UTS2B: variants seen among roughly 807,000 people sequenced by gnomAD.
UTS2B encodes urotensin 2B, also known as urotensin-2B.
Under a neutral mutation model 19.2 loss-of-function variants are expected in UTS2B, and 21 were observed. The ratio of observed to expected loss-of-function variants is 1.09; its 90% confidence interval spans 0.78 to 1.58. The LOEUF is 1.58. UTS2B is among the 40% of genes most tolerant of loss of function. The pLI, the probability that UTS2B is intolerant of heterozygous loss-of-function variation, is 0.00. For synonymous variants in UTS2B, 57 were observed against 50.2 expected, an observed-to-expected ratio of 1.14 and a Z score of -0.58; for missense variants, 138 against 130.3, an observed-to-expected ratio of 1.06 and a Z score of -0.29.
intron 4 of UTS2B, among the ~76,000 whole-genome samples, chr3:191,303,751 A>T (rs1717062283): frequency 6.6e-6 from 1 of 152,174 alleles, no homozygotes; most frequent in African/African-American, 2.4e-5. Flanking sequence ...TTTCTCTCCC[A>T]ATGTTTTTCC....
intron 6 of UTS2B, chr3:191,277,779 A>T (rs1716274614): frequency 5.5e-6 from 1 of 181,950 alleles, no homozygotes; most frequent in Non-Finnish European, 1.1e-5. Context: ...GTACTAGTGG[A>T]GAATTGCATA....
At chr3:191,329,550 C>A in intron 1 of UTS2B, 1 of 896,106 alleles carries the variant, frequency 1.1e-6, no homozygotes, top group Non-Finnish European at 1.6e-6. Context: ...CGTTCTCCGG[C>A]CTGCGAGCCC....
rs549057072 is a variant in UTS2B at position 191,295,761 on chromosome 3, C to T, written c.-125+8731G>A. Among the ~76,000 whole-genome samples the T allele has an allele frequency of 4.6e-5, 7 of 151,566 alleles. 1 individual carries two copies. Among genetic ancestry groups the T allele is most frequent in the African/African-American group, 7.3e-5 (3 of 40,824 alleles). ...TGGCATGACCATTTACCCAGTAATT[C>T]ATTGAAGAAACTCTTTCCTCTCTGT... On this transcript the variant is annotated intron_variant, in intron 4 of 8. Coordinates refer to ENST00000340524, the MANE Select transcript of UTS2B (RefSeq NM_198152.5).
rs577791076 is a variant in UTS2B at position 191,315,304 on chromosome 3, C to T, written c.-182+732G>A. Among the ~76,000 whole-genome samples the T allele has an allele frequency of 2.3e-4, 35 of 152,282 alleles. No individual in the cohort carries two copies. The South Asian group carries it at 4.1e-3, about 18-fold the overall frequency. On this transcript the variant is annotated intron_variant, in intron 3 of 8. Transcript: ENST00000340524. ...CTGGGATTACAGGCATGAGCCACCACGCCCGGCCTACTCTACAAAATTAAT... is the reference window on the plus strand; with the variant it reads ...CTGGGATTACAGGCATGAGCCACCATGCCCGGCCTACTCTACAAAATTAAT...
chr3:191,296,365 C>T (rs558754111), intron 4 of UTS2B, among the ~76,000 whole-genome samples: 10 of 152,248 alleles, frequency 6.6e-5, no homozygotes, highest in East Asian at 1.9e-4. Flanking sequence ...CCAGATTAAG[C>T]AGGTCATCCT....
At chr3:191,291,299 T>G (rs540262348) in intron 4 of UTS2B, among the ~76,000 whole-genome samples, 1 of 152,232 alleles carries the variant, frequency 6.6e-6, no homozygotes, top group South Asian at 2.1e-4. Flanking sequence ...AACAAAGGGT[T>G]TTATTTGAAA....
At chr3:191,285,521 C>A (rs1716511563) in intron 4 of UTS2B, among the ~76,000 whole-genome samples, 1 of 152,168 alleles carries the variant, frequency 6.6e-6, no homozygotes, top group Non-Finnish European at 1.5e-5. Flanking sequence ...GCATTAAATT[C>A]TCCAATCAAA....
At chr3:191,340,989 T>C in the UTS2B span, among the ~76,000 whole-genome samples, 1 of 146,092 alleles carries the variant, frequency 6.8e-6, no homozygotes, top group Admixed American at 6.8e-5. Flanking sequence ...GCCCAGCTAA[T>C]TAATTTTTTT....
chr3:191,345,228 C>T, the UTS2B span, among the ~76,000 whole-genome samples: 3 of 152,060 alleles, frequency 2.0e-5, no homozygotes, highest in Non-Finnish European at 1.5e-5. Flanking sequence ...TTGTTACTCC[C>T]AGCAAAAAAA....
chr3:191,268,291 A>G lies in UTS2B; in HGVS notation c.*125T>C. 1 of 720,782 alleles carries G rather than the reference A, an allele frequency of 1.4e-6. No individual in the cohort carries two copies. Among genetic ancestry groups the G allele is most frequent in the Admixed American group, 3.4e-5 (1 of 29,170 alleles). 44.6% of individuals were successfully genotyped at this position (720,782 alleles called of 1,614,324 possible). ...TCCCGCATGCAATTTTGTATTTACA[A>G]TAATCAGGAGCATTTCATCTTTTAT... On this transcript the variant is annotated 3_prime_UTR_variant, in exon 9 of 9. Transcript: ENST00000340524.
the UTS2B span, among the ~76,000 whole-genome samples, chr3:191,341,055 G>A: frequency 5.1e-4 from 77 of 151,760 alleles, no homozygotes; most frequent in African/African-American, 1.8e-3. Flanking sequence ...TGAACTCCTG[G>A]CCTCAAGTGA....
chr3:191,310,440 C>G (rs533605207), intron 3 of UTS2B, among the ~76,000 whole-genome samples: 1 of 152,262 alleles, frequency 6.6e-6, no homozygotes, highest in South Asian at 2.1e-4. Context: ...ATTAATGATC[C>G]CTAAGCTTGA....
chr3:191,341,143 A>G, the UTS2B span, among the ~76,000 whole-genome samples: 2 of 152,168 alleles, frequency 1.3e-5, no homozygotes, highest in African/African-American at 4.8e-5. Flanking sequence ...TGCAGCACAG[A>G]TTCTGTACTA....
the UTS2B span, among the ~76,000 whole-genome samples, chr3:191,341,650 G>GT: frequency 1.3e-5 from 2 of 152,234 alleles, no homozygotes; most frequent in South Asian, 4.1e-4. Context: ...TTCAGCCTTT[G>GT]TTGGGAATAG....
At chr3:191,291,842 T>C (rs1576921490) in intron 4 of UTS2B, among the ~76,000 whole-genome samples, 1 of 152,164 alleles carries the variant, frequency 6.6e-6, no homozygotes, top group Non-Finnish European at 1.5e-5. Context: ...TATCTAGTTG[T>C]CTCACCACAT....
chr3:191,340,688 A>G, the UTS2B span, among the ~76,000 whole-genome samples: 81 of 152,342 alleles, frequency 5.3e-4, no homozygotes, highest in African/African-American at 1.9e-3. Context: ...CATTTTAGAC[A>G]TTCTGATTTC....
At chr3:191,276,047 C>A (rs891911235) in intron 7 of UTS2B, among the ~76,000 whole-genome samples, 1 of 151,938 alleles carries the variant, frequency 6.6e-6, no homozygotes, top group South Asian at 2.1e-4. Flanking sequence ...TGTGTCAATA[C>A]TTGGATTTCC....
At chr3:191,316,955 C>G (rs531610288) in intron 2 of UTS2B, among the ~76,000 whole-genome samples, 1 of 152,264 alleles carries the variant, frequency 6.6e-6, no homozygotes, top group African/African-American at 2.4e-5. Context: ...CTTAGCCTAG[C>G]GGATCCCACG....
At position 191,311,388 on chromosome 3, in the gene UTS2B, G is replaced by A. The variant is rs186249847; in HGVS notation, c.-182+4648C>T. Among the ~76,000 whole-genome samples, 350 of 152,336 alleles carry A rather than the reference G, an allele frequency of 2.3e-3. 3 individuals carry two copies. The South Asian group carries it at 0.023, about 10-fold the overall frequency. ...CTTACATATGAAAACTGAAAGGGCT[G>A]TGATTTTCCAAAGTGGCATTCAGAG... On this transcript the variant is annotated intron_variant, in intron 3 of 8. Coordinates refer to ENST00000340524, the MANE Select transcript of UTS2B (RefSeq NM_198152.5).
Sources: gnomAD v4.1 joint callset for allele counts (sites outside exome capture counted in the v4.1 genomes callset) on GRCh38, gnomAD v4.1.1 for gene constraint, MANE v1.5 for transcripts, NCBI Gene and HGNC (gene_info 2026-07-23, HGNC 2026-07-21) for gene names.